TPH2: variants seen among roughly 807,000 people sequenced by gnomAD.
TPH2 encodes tryptophan hydroxylase 2.
A neutral mutation model predicts 59.1 loss-of-function variants in TPH2; 27 were observed. The observed-to-expected ratio is 0.46, with a 90% CI of 0.34 to 0.63. TPH2 has a LOEUF of 0.63. TPH2 is among the 30% of genes least tolerant of loss of function. TPH2 has a pLI of 0.01. For missense variants in TPH2, 523 were observed against 588.3 expected, an observed-to-expected ratio of 0.89 and a Z score of 1.15; for synonymous variants, 220 against 210.5, an observed-to-expected ratio of 1.05 and a Z score of -0.39.
At chr12:72,025,062 A>T (rs1337930983) in intron 9 of TPH2, among the ~76,000 whole-genome samples, 6 of 152,116 alleles carry the variant, frequency 3.9e-5, no homozygotes, top group Non-Finnish European at 8.8e-5. Flanking sequence ...TTGTGAAAGT[A>T]CCCAGAGCCC....
intron 7 of TPH2, among the ~76,000 whole-genome samples, chr12:71,993,344 G>A (rs1004296570): frequency 6.6e-6 from 1 of 152,184 alleles, no homozygotes; most frequent in African/African-American, 2.4e-5. Context: ...GAGTACAAGT[G>A]AAATCAAAAC....
rs1003939665 is a variant in TPH2 at position 72,022,313 on chromosome 12, A to G, written c.1069-86A>G. On this transcript the variant is annotated intron_variant, in intron 8 of 10. Coordinates refer to ENST00000333850, the MANE Select transcript of TPH2 (RefSeq NM_173353.4). ...TGATAATATTGAAGAAATTATGCAC[A>G]GCCCACCATTTTGTTTTGGGTGCCA... 3.5e-6 allele frequency: 3 copies of G among 862,912 alleles called. No homozygotes were observed. In the Admixed American group the frequency reaches 5.3e-5, roughly 15 times the overall value. 53.5% of individuals were successfully genotyped at this position (862,912 alleles called of 1,614,324 possible).
chr12:71,966,201 C>A (rs566715943), intron 5 of TPH2, among the ~76,000 whole-genome samples: 1 of 151,816 alleles, frequency 6.6e-6, no homozygotes, highest in South Asian at 2.1e-4. Context: ...AACAAGAGAC[C>A]ACTAGCCTTG....
chr12:71,971,643 C>G (rs2139202930), intron 5 of TPH2, among the ~76,000 whole-genome samples: 1 of 152,302 alleles, frequency 6.6e-6, no homozygotes, highest in East Asian at 1.9e-4. Flanking sequence ...GCCAAGAAGT[C>G]TCAACTCAAG....
chr12:71,983,739 AAG>A (rs371686732), intron 7 of TPH2, among the ~76,000 whole-genome samples: 27 of 150,208 alleles, frequency 1.8e-4, no homozygotes, highest in African/African-American at 5.4e-4. Flanking sequence ...CAGAGAGAGA[AAG>A]AGAGAGAGAG....
intron 8 of TPH2, among the ~76,000 whole-genome samples, chr12:72,019,797 G>A (rs1380676161): frequency 6.6e-6 from 1 of 152,154 alleles, no homozygotes; most frequent in African/African-American, 2.4e-5. Context: ...AGAAGTATTT[G>A]TAGAATAGGT....
At chr12:71,943,576 C>A (rs1268212430) in intron 2 of TPH2, among the ~76,000 whole-genome samples, 1 of 152,098 alleles carries the variant, frequency 6.6e-6, no homozygotes, top group Non-Finnish European at 1.5e-5. Flanking sequence ...CAAAAGAGAG[C>A]AATTATTAAA....
At chr12:71,961,941 G>A in intron 5 of TPH2, 1 of 1,052,798 alleles carries the variant, frequency 9.5e-7, no homozygotes, top group Non-Finnish European at 1.2e-6. Context: ...TAATGTTTTT[G>A]TTTGCTCCCA....
intron 4 of TPH2, among the ~76,000 whole-genome samples, chr12:71,948,633 C>T (rs1056780916): frequency 1.3e-5 from 2 of 152,202 alleles, no homozygotes; most frequent in Admixed American, 6.5e-5. Context: ...GTTCTTCACT[C>T]TCCAGTGCCA....
intron 8 of TPH2, among the ~76,000 whole-genome samples, chr12:72,014,255 A>T (rs1284117264): frequency 6.6e-6 from 1 of 152,182 alleles, no homozygotes; most frequent in Non-Finnish European, 1.5e-5. Flanking sequence ...AACATCTTCC[A>T]TCTCGAAGTT....
chr12:71,953,688 C>A (rs2139188022), intron 5 of TPH2, among the ~76,000 whole-genome samples: 1 of 152,164 alleles, frequency 6.6e-6, no homozygotes, highest in African/African-American at 2.4e-5. Flanking sequence ...CCACTTTGTC[C>A]AAGGGATAGA....
chr12:72,014,680 C>A (rs535567748), intron 8 of TPH2, among the ~76,000 whole-genome samples: 2 of 152,240 alleles, frequency 1.3e-5, no homozygotes, highest in Admixed American at 6.5e-5. Context: ...CGTGAACCAC[C>A]GTGCCCGGCC....
intron 5 of TPH2, among the ~76,000 whole-genome samples, chr12:71,963,611 C>T (rs1349994341): frequency 2.1e-5 from 1 of 48,778 alleles, no homozygotes; most frequent in African/African-American, 5.8e-5. Context: ...GAGTTCAAGA[C>T]CAGCCTGGCC....
chr12:71,973,501 A>C lies in TPH2; in HGVS notation c.805+786A>C, dbSNP rs370461459. On this transcript the variant is annotated intron_variant, in intron 6 of 10. Coordinates refer to ENST00000333850, the MANE Select transcript of TPH2 (RefSeq NM_173353.4). ...GGAAATTACCCTATATAGCCTAAAA[A>C]GGGGAGGAACCCTCAGTTCTGGGAA... 7.2e-5 allele frequency among the ~76,000 whole-genome samples: 11 copies of C among 152,336 alleles called. No homozygotes were observed. In the East Asian group the frequency reaches 1.5e-3, roughly 21 times the overall value.
At chr12:71,977,783 A>G (rs1408378268) in intron 6 of TPH2, among the ~76,000 whole-genome samples, 1 of 152,216 alleles carries the variant, frequency 6.6e-6, no homozygotes, top group East Asian at 1.9e-4. Flanking sequence ...ATCAAAACAT[A>G]AAGTTATACA....
chr12:71,979,272 G>C (rs1370875814), intron 7 of TPH2, among the ~76,000 whole-genome samples, 185 bp downstream of exon 7: 1 of 152,174 alleles, frequency 6.6e-6, no homozygotes, highest in East Asian at 1.9e-4. Flanking sequence ...GGTCCGTGGG[G>C]GCCCCTGATA....
chr12:71,949,675 TTTC>T lies in TPH2; in HGVS notation c.608+23_608+25del, dbSNP rs760402362. 6.3e-7 allele frequency: 1 copy of T among 1,598,072 alleles called. No individual in the cohort carries two copies. Among genetic ancestry groups the T allele is most frequent in the Non-Finnish European group, 8.6e-7 (1 of 1,165,546 alleles). ...TAAATAGTAAGTACCTGTATAACTC[TTTC>T]TTGTCACTGGCTAGTTAGGAAAAAC... On this transcript the variant is annotated intron_variant, in intron 5 of 10. Coordinates refer to ENST00000333850, the MANE Select transcript of TPH2 (RefSeq NM_173353.4).
chr12:72,026,270 C>T (rs990982209), intron 9 of TPH2, among the ~76,000 whole-genome samples: 8 of 151,682 alleles, frequency 5.3e-5, no homozygotes, highest in Non-Finnish European at 8.8e-5. Context: ...ACATCTGTTT[C>T]GCTCTTTGGG....
At chr12:71,956,643 T>C (rs1288310738) in intron 5 of TPH2, among the ~76,000 whole-genome samples, 3 of 151,718 alleles carry the variant, frequency 2.0e-5, no homozygotes, top group Middle Eastern at 3.4e-3. Context: ...AGGGTCTCAC[T>C]CTGTTGCCTG....
Sources: allele counts gnomAD v4.1 joint callset (sites outside exome capture counted in the v4.1 genomes callset), GRCh38; gene constraint gnomAD v4.1.1; transcripts MANE v1.5; gene names NCBI Gene and HGNC (gene_info 2026-07-23, HGNC 2026-07-21).